Variants in PARP16 observed in about 807,000 individuals in gnomAD.
PARP16 encodes protein mono-ADP-ribosyltransferase PARP16.
A neutral mutation model predicts 35.0 loss-of-function variants in PARP16; 31 were observed. That is an observed-to-expected ratio of 0.88 (90% CI 0.66 to 1.19). The LOEUF is 1.19. Among genes scored for constraint, PARP16 ranks in the 50% most tolerant of loss-of-function variants. The pLI is 0.00. For missense variants in PARP16, 424 were observed against 411.2 expected, an observed-to-expected ratio of 1.03 and a Z score of -0.27; for synonymous variants, 162 against 169.5, an observed-to-expected ratio of 0.96 and a Z score of 0.34.
chr15:65,276,909 G>T (rs1392871108), intron 1 of PARP16, among the ~76,000 whole-genome samples: 1 of 151,460 alleles, frequency 6.6e-6, no homozygotes, highest in Non-Finnish European at 1.5e-5. Flanking sequence ...TTGAACCGGG[G>T]ATGTGGATGT....
chr15:65,238,737 C>G (rs2088957765), intron 3 of PARP16, among the ~76,000 whole-genome samples: 2 of 152,244 alleles, frequency 1.3e-5, no homozygotes, highest in African/African-American at 4.8e-5. Flanking sequence ...TTTTGAATAC[C>G]TTTATTGAGG....
chr15:65,254,245 G>A (rs1413343345), downstream of PARP16, among the ~76,000 whole-genome samples: 1 of 152,186 alleles, frequency 6.6e-6, no homozygotes, highest in African/African-American at 2.4e-5. Context: ...GGAAATTTTT[G>A]AAAAACCCTT....
At chr15:65,248,908 CCTGA>C (rs370803280) in intron 2 of PARP16, among the ~76,000 whole-genome samples, 13 of 152,164 alleles carry the variant, frequency 8.5e-5, no homozygotes, top group African/African-American at 3.1e-4. Flanking sequence ...CCTCCCAAAG[CCTGA>C]CTAAGGCCAG....
At chr15:65,285,744 T>C (rs2090572045) in intron 1 of PARP16, among the ~76,000 whole-genome samples, 1 of 152,204 alleles carries the variant, frequency 6.6e-6, no homozygotes, top group Non-Finnish European at 1.5e-5. Context: ...AGGTGAACTC[T>C]GCAAAAAAAG....
chr15:65,262,133 T>TC lies in PARP16; in HGVS notation c.691+1015dup, dbSNP rs1172440720. 6.7e-5 allele frequency among the ~76,000 whole-genome samples: 10 copies of TC among 148,820 alleles called. No homozygotes were observed. In the Admixed American group the frequency reaches 6.9e-4, roughly 10 times the overall value. On this transcript the variant is annotated intron_variant, in intron 4 of 5. Transcript: ENST00000649807. ...ACCAACAAGCCAGATCTTTTTTCTTTCTTTTTTTTTTTTTTTTTGGATGGA... is the reference window on the plus strand; with the variant it reads ...ACCAACAAGCCAGATCTTTTTTCTTTCCTTTTTTTTTTTTTTTTTGGATGGA...
chr15:65,257,428 C>T (rs575334835), downstream of PARP16, among the ~76,000 whole-genome samples: 139 of 147,420 alleles, frequency 9.4e-4, no homozygotes, highest in Non-Finnish European at 1.7e-3. Flanking sequence ...AGCGAGACTC[C>T]AGCTCAAAAA....
chr15:65,280,436 C>CAAA (rs11450302), intron 1 of PARP16, among the ~76,000 whole-genome samples: 4 of 60,914 alleles, frequency 6.6e-5, no homozygotes, highest in Non-Finnish European at 7.2e-5. Flanking sequence ...GAACTCGTCT[C>CAAA]AAAAAAAAAA....
Position 65,286,397 on chromosome 15 carries a change from C to G in PARP16, c.30G>C (p.Arg10Ser). The change falls in exon 1 of 6, where the codon AGG becomes AGC. Residue 10 changes from arginine to serine, a missense_variant. Transcript: ENST00000649807. ...CCAGCATGTCGCGGCCCGCCGCCTC[C>G]CTGGCGGCCGCCCAGCCTGAGGGCT... The part of the protein sequence containing the change: MQPSGWAAA[R>S]EAAGRDMLAA... 1 of 1,550,002 alleles carries G rather than the reference C, an allele frequency of 6.5e-7. No individual in the cohort carries two copies. Among genetic ancestry groups the G allele is most frequent in the Non-Finnish European group, 8.7e-7 (1 of 1,151,816 alleles).
At chr15:65,279,431 G>A (rs977640370) in intron 1 of PARP16, among the ~76,000 whole-genome samples, 3 of 152,118 alleles carry the variant, frequency 2.0e-5, no homozygotes, top group African/African-American at 7.2e-5. Flanking sequence ...TGGTCCTGGA[G>A]GGATGGATCC....
At chr15:65,249,085 G>A (rs1490423779) in intron 2 of PARP16, among the ~76,000 whole-genome samples, 2 of 152,282 alleles carry the variant, frequency 1.3e-5, no homozygotes, top group South Asian at 2.1e-4. Flanking sequence ...AGGCCTAGGG[G>A]ACGAAAACAC....
chr15:65,241,237 T>A (rs888204142), intron 3 of PARP16, among the ~76,000 whole-genome samples: 1 of 151,624 alleles, frequency 6.6e-6, no homozygotes, highest in Non-Finnish European at 1.5e-5. Context: ...GCCTTCCAGG[T>A]TCAAGTGATT....
At chr15:65,246,024 G>C (rs1008314286) in intron 3 of PARP16, among the ~76,000 whole-genome samples, 1 of 152,090 alleles carries the variant, frequency 6.6e-6, no homozygotes, top group African/African-American at 2.4e-5. Context: ...TTAGAGCTGA[G>C]AGAACATCAA....
intron 1 of PARP16, chr15:65,282,508 G>C (rs1218935401): frequency 1.3e-5 from 2 of 152,222 alleles, no homozygotes; most frequent in Non-Finnish European, 2.9e-5. Context: ...GTTTATCTAA[G>C]AATGTATGCA....
intron 2 of PARP16, among the ~76,000 whole-genome samples, chr15:65,252,715 T>C (rs2140786190): frequency 6.6e-6 from 1 of 152,322 alleles, no homozygotes; most frequent in Admixed American, 6.5e-5. Flanking sequence ...CGCCACCCTC[T>C]CCTAACTCAT....
chr15:65,269,176 T>C (rs200178545), intron 2 of PARP16, among the ~76,000 whole-genome samples: 42,544 of 146,028 alleles, frequency 0.29, 6,403 homozygotes, highest in Admixed American at 0.35. Flanking sequence ...TAGTCGGTTT[T>C]TTTCTTTCTT....
intron 2 of PARP16, among the ~76,000 whole-genome samples, chr15:65,267,677 A>ATTTTT: frequency 4.4e-5 from 4 of 90,362 alleles, no homozygotes; most frequent in Non-Finnish European, 6.2e-5. Flanking sequence ...AATTTTCCTA[A>ATTTTT]CTTTTTTTTT....
chr15:65,242,358 T>C (rs1384586717), intron 3 of PARP16, among the ~76,000 whole-genome samples: 5 of 151,884 alleles, frequency 3.3e-5, no homozygotes, highest in Non-Finnish European at 5.9e-5. Context: ...CAAGGTCCTT[T>C]GCATTTCCAC....
intron 2 of PARP16, among the ~76,000 whole-genome samples, chr15:65,268,000 C>T (rs982606895): frequency 6.6e-6 from 1 of 152,032 alleles, no homozygotes; most frequent in African/African-American, 2.4e-5. Context: ...CACTTCCTAA[C>T]ACTTTTACAT....
chr15:65,262,316 G>C (rs116421378), intron 4 of PARP16, among the ~76,000 whole-genome samples: 1,565 of 152,162 alleles, frequency 0.01, 27 homozygotes, highest in African/African-American at 0.036. Flanking sequence ...AATTTTAGTA[G>C]AGAAGAGGTT....
Sources: allele counts gnomAD v4.1 joint callset (sites outside exome capture counted in the v4.1 genomes callset), GRCh38; gene constraint gnomAD v4.1.1; transcripts MANE v1.5; gene names NCBI Gene and HGNC (gene_info 2026-07-23, HGNC 2026-07-21).